The following TMPRSS11F variants were observed in gnomAD, a reference collection of about 807,000 sequenced individuals.
TMPRSS11F encodes the protein transmembrane serine protease 11F.
Under a neutral mutation model 60.2 loss-of-function variants are expected in TMPRSS11F, and 47 were observed. That is an observed-to-expected ratio of 0.78 (90% CI 0.62 to 1.00). The LOEUF (loss-of-function observed/expected upper bound fraction) is 1.00. Ranked by LOEUF, TMPRSS11F falls within the 50% of genes least tolerant of loss-of-function variation. The pLI, the probability that TMPRSS11F is intolerant of heterozygous loss-of-function variation, is 0.00. For missense variants in TMPRSS11F, 519 were observed against 522.9 expected (o/e 0.99, Z 0.07); for synonymous variants, 166 against 167.3 (o/e 0.99, Z 0.06).
At chr4:68,068,842 T>C (rs1035209479) in intron 6 of TMPRSS11F, 23 bp from the exon 7 acceptor site, 2 of 1,610,886 alleles carry the variant, frequency 1.2e-6, no homozygotes, top group Non-Finnish European at 1.7e-6. Context: ...TACATGATCA[T>C]TCATATTCAT....
chr4:68,100,183 T>A (rs984991649), intron 1 of TMPRSS11F, among the ~76,000 whole-genome samples: 8 of 152,080 alleles, frequency 5.3e-5, no homozygotes, highest in Non-Finnish European at 8.8e-5. Context: ...ATTGTCTCAA[T>A]ATATGTTCAA....
intron 1 of TMPRSS11F, among the ~76,000 whole-genome samples, chr4:68,121,830 A>G (rs1724630550): frequency 6.6e-6 from 1 of 152,190 alleles, no homozygotes; most frequent in Non-Finnish European, 1.5e-5. Context: ...ATGTCCCAGA[A>G]TCTGCCTGTC....
At chr4:68,101,640 G>C (rs1724192284) in intron 1 of TMPRSS11F, among the ~76,000 whole-genome samples, 2 of 151,912 alleles carry the variant, frequency 1.3e-5, no homozygotes, top group African/African-American at 4.8e-5. Context: ...ACAATTTTTT[G>C]TTCATTTAAA....
At chr4:68,091,783 CTA>C (rs57000353) in intron 2 of TMPRSS11F, among the ~76,000 whole-genome samples, 12,600 of 53,176 alleles carry the variant, frequency 0.24, 598 homozygotes, top group Middle Eastern at 0.34. Context: ...CTCTCTCTCT[CTA>C]TCTATCTATC....
chr4:68,095,272 A>G (rs1301331356), intron 2 of TMPRSS11F, among the ~76,000 whole-genome samples: 1 of 152,016 alleles, frequency 6.6e-6, no homozygotes, highest in African/African-American at 2.4e-5. Flanking sequence ...TCTAATACAT[A>G]CAACTGACAA....
At chr4:68,113,013 T>C (rs914608801) in intron 1 of TMPRSS11F, among the ~76,000 whole-genome samples, 1 of 152,174 alleles carries the variant, frequency 6.6e-6, no homozygotes, top group African/African-American at 2.4e-5. Flanking sequence ...AGTTGACATT[T>C]ATAGAACACT....
At chr4:68,109,351 C>T (rs1279100050) in intron 1 of TMPRSS11F, among the ~76,000 whole-genome samples, 1 of 152,010 alleles carries the variant, frequency 6.6e-6, no homozygotes, top group Non-Finnish European at 1.5e-5. Flanking sequence ...GGCCAAACCA[C>T]AGGGTTAAAT....
intron 1 of TMPRSS11F, among the ~76,000 whole-genome samples, chr4:68,120,492 C>T (rs1017595849): frequency 6.7e-6 from 1 of 149,890 alleles, no homozygotes; most frequent in Non-Finnish European, 1.5e-5. Context: ...GGGTTCACGC[C>T]ATTCTCCTGC....
intron 5 of TMPRSS11F, among the ~76,000 whole-genome samples, chr4:68,070,248 C>T (rs1372716730): frequency 1.3e-5 from 2 of 151,870 alleles, no homozygotes; most frequent in East Asian, 3.9e-4. Context: ...CCTGATTTTG[C>T]TCAGGAAAAA....
intron 5 of TMPRSS11F, 97 bp downstream of exon 5, chr4:68,072,226 A>ATATATATATATATATATATATCTTCC (rs61224244): frequency 1.3e-4 from 10 of 79,248 alleles, no homozygotes; most frequent in East Asian, 6.0e-4. Flanking sequence ...TCTTCCAAAA[A>ATATATATATATATATATATATCTTCC]AAAAATATAT....
chr4:68,103,585 C>G (rs961594316), intron 1 of TMPRSS11F, among the ~76,000 whole-genome samples: 1 of 152,158 alleles, frequency 6.6e-6, no homozygotes, highest in African/African-American at 2.4e-5. Context: ...AATTTTAAAT[C>G]AGAAAGTGTG....
chr4:68,090,650 T>C lies in TMPRSS11F; in HGVS notation c.164-9A>G, dbSNP rs1415037062. ...ATAGAAAGACTTATCATCTGAAAGG[T>C]AAAACAAACAAAAGTCTCATGGTTA... On this transcript the variant is annotated splice_polypyrimidine_tract_variant and intron_variant, in intron 2 of 9. Coordinates refer to ENST00000356291, the MANE Select transcript of TMPRSS11F (RefSeq NM_207407.2). The C allele has an allele frequency of 2.5e-6, 4 of 1,587,724 alleles. No individual in the cohort carries two copies. In the South Asian group the frequency reaches 4.5e-5, roughly 18 times the overall value.
At chr4:68,072,562 A>G in intron 4 of TMPRSS11F, 76 bp from the exon 5 acceptor site, 1 of 1,160,988 alleles carries the variant, frequency 8.6e-7, no homozygotes, top group African/African-American at 1.6e-5. Context: ...ACTCACATTA[A>G]ACTTAAAAAA....
At position 68,090,410 on chromosome 4, in the gene TMPRSS11F, A is replaced by G. The variant is rs114342191; in HGVS notation, c.282+113T>C. The G allele has an allele frequency of 7.9e-6, 11 of 1,397,200 alleles. No individual in the cohort carries two copies. In the African/African-American group the frequency reaches 1.6e-4, roughly 20 times the overall value. 86.6% of individuals were successfully genotyped at this position (1,397,200 alleles called of 1,614,324 possible). On this transcript the variant is annotated intron_variant, in intron 3 of 9. Coordinates refer to ENST00000356291, the MANE Select transcript of TMPRSS11F (RefSeq NM_207407.2). The stretch of plus-strand genomic sequence containing the variant: ...CACAACTGTATGACTTACATACTAT[A>G]GTATCTCCATTATGCAAAAGAAGAA...
rs969178874 is a variant in TMPRSS11F at position 68,094,071 on chromosome 4, A to G, written c.164-3430T>C. Among the ~76,000 whole-genome samples, 60 of 129,240 alleles carry G rather than the reference A, an allele frequency of 4.6e-4. 1 individual carries two copies. The highest frequency in any genetic ancestry group is 7.1e-3 in the Middle Eastern group (2 of 280). 84.8% of individuals were successfully genotyped at this position (129,240 alleles called of 152,430 possible). ...TGGGTATATACCCAAATGACTATAA[A>G]TCATGCTGCTATAAAGACACATGCA... On this transcript the variant is annotated intron_variant, in intron 2 of 9. Coordinates refer to ENST00000356291, the MANE Select transcript of TMPRSS11F (RefSeq NM_207407.2).
intron 1 of TMPRSS11F, among the ~76,000 whole-genome samples, chr4:68,110,495 T>C (rs1029209153): frequency 6.6e-6 from 1 of 152,108 alleles, no homozygotes; most frequent in Non-Finnish European, 1.5e-5. Context: ...GAGATTTAAG[T>C]TGAGAGATAG....
chr4:68,070,988 A>G (rs1723449234), intron 5 of TMPRSS11F, among the ~76,000 whole-genome samples: 1 of 152,166 alleles, frequency 6.6e-6, no homozygotes, highest in Non-Finnish European at 1.5e-5. Flanking sequence ...ATCATAAAAA[A>G]TCATTGTATG....
chr4:68,069,216 A>T (rs945493963), intron 6 of TMPRSS11F, among the ~76,000 whole-genome samples: 6 of 152,030 alleles, frequency 3.9e-5, no homozygotes, highest in Non-Finnish European at 7.4e-5. Context: ...TGGGATACAA[A>T]ATTAGGAGGA....
intron 5 of TMPRSS11F, among the ~76,000 whole-genome samples, chr4:68,071,904 C>T (rs1218759046): frequency 1.3e-5 from 2 of 151,894 alleles, no homozygotes; most frequent in African/African-American, 4.8e-5. Context: ...AAATAACCCC[C>T]AGAAATGATC....
Sources: allele counts gnomAD v4.1 joint callset (sites outside exome capture counted in the v4.1 genomes callset), GRCh38; gene constraint gnomAD v4.1.1; transcripts MANE v1.5; gene names NCBI Gene and HGNC (gene_info 2026-07-23, HGNC 2026-07-21).